Variants in SEPTIN9 observed in about 807,000 individuals in gnomAD.
SEPTIN9 encodes the protein septin-9.
In SEPTIN9, 13 loss-of-function variants were observed where a neutral mutation model predicts 56.6. The observed-to-expected ratio is 0.23, with a 90% confidence interval of 0.15 to 0.37. The LOEUF (loss-of-function observed/expected upper bound fraction) is 0.37, where lower values mean the gene tolerates loss of function less well. Ranked by LOEUF, SEPTIN9 falls within the 10% of genes least tolerant of loss-of-function variation. The pLI, the probability that SEPTIN9 is intolerant of heterozygous loss-of-function variation, is 1.00. For missense variants in SEPTIN9, 650 were observed against 823.1 expected (o/e 0.79, Z 2.57); for synonymous variants, 332 against 334.1 (o/e 0.99, Z 0.07).
chr17:77,311,395 G>C (rs892389606), intron 2 of SEPTIN9, among the ~76,000 whole-genome samples: 9 of 152,140 alleles, frequency 5.9e-5, no homozygotes, highest in African/African-American at 2.2e-4. Flanking sequence ...CCTGGCCGCT[G>C]TGGATGGACG....
chr17:77,368,224 G>A (rs1568017511), intron 2 of SEPTIN9, among the ~76,000 whole-genome samples: 1 of 152,220 alleles, frequency 6.6e-6, no homozygotes, highest in Non-Finnish European at 1.5e-5. Flanking sequence ...TTTCGGAGGT[G>A]GATGGTGTTG....
chr17:77,490,624 C>A, intron 7 of SEPTIN9, 118 bp from the exon 8 acceptor site: 1 of 785,834 alleles, frequency 1.3e-6, no homozygotes, highest in South Asian at 1.6e-5. Context: ...TCCTTGCCAG[C>A]AGGGACCCCC....
rs556835551 is a variant in SEPTIN9, at chr17:77,401,764, C to T, written c.77-295C>T. ...ATAAAAGTCTTCTCTGGAACTAGAA[C>T]GTTCCTATGTAGACGTAGCTGGAGG... On this transcript the variant is annotated intron_variant, in intron 2 of 11. Coordinates refer to ENST00000427177, the MANE Select transcript of SEPTIN9 (RefSeq NM_001113491.2). Among the ~76,000 whole-genome samples the T allele has an allele frequency of 1.6e-4, 24 of 152,108 alleles. No homozygotes were observed. In the South Asian group the frequency reaches 4.4e-3, roughly 28 times the overall value.
In SEPTIN9 at chr17:77,500,454, T is replaced by C. The variant is rs566313389; in HGVS notation, c.*1796T>C. ...ACTTTCCTTCTCTGTAACCAGACTTTGAAAAATTGTTCGTTTCATCAGGCT... is the reference window on the plus strand; with the variant it reads ...ACTTTCCTTCTCTGTAACCAGACTTCGAAAAATTGTTCGTTTCATCAGGCT... On this transcript the variant is annotated 3_prime_UTR_variant, in exon 12 of 12. Coordinates refer to ENST00000427177, the MANE Select transcript of SEPTIN9 (RefSeq NM_001113491.2). The C allele has an allele frequency of 4.9e-5, 11 of 223,918 alleles. No individual in the cohort carries two copies. Among genetic ancestry groups the C allele is most frequent in the Non-Finnish European group, 9.8e-5 (11 of 112,028 alleles). The allele number at this position is 223,918 out of a possible 1,614,324, so 13.9% of individuals were successfully genotyped here.
intron 3 of SEPTIN9, chr17:77,442,047 C>A (rs1414155972): frequency 3.3e-5 from 5 of 152,210 alleles, no homozygotes. Flanking sequence ...GATTTAATCA[C>A]ATACGTATGG....
rs1241092609 is a variant in SEPTIN9, at chr17:77,447,999, AT to A, written c.722-34144del. On this transcript the variant is annotated intron_variant, in intron 3 of 11. Coordinates refer to ENST00000427177, the MANE Select transcript of SEPTIN9 (RefSeq NM_001113491.2). ...CCAGGCGGGTGACACTGATGGTGGG[AT>A]CTGTGGCCTCACCAGTGTCTTATGA... 3.9e-3 allele frequency among the ~76,000 whole-genome samples: 594 copies of A among 152,294 alleles called. 3 individuals are homozygous for A. Among genetic ancestry groups the A allele is most frequent in the African/African-American group, 0.013 (535 of 41,550 alleles).
chr17:77,325,502 G>A (rs1383928986), intron 2 of SEPTIN9, among the ~76,000 whole-genome samples: 2 of 152,220 alleles, frequency 1.3e-5, no homozygotes, highest in East Asian at 3.9e-4. Flanking sequence ...GACCTGGCTG[G>A]ACGTGCTCCC....
At position 77,429,941 on chromosome 17, in the gene SEPTIN9, G is replaced by A. The variant is rs899801452; in HGVS notation, c.721+27238G>A. ...TTAGATGCTTCTGGGTTCCATGGGC[G>A]CCTTACACTGGCTTCCCTGTAGGAC... is the stretch of plus-strand genomic sequence containing the variant. On this transcript the variant is annotated intron_variant, in intron 3 of 11. Coordinates refer to ENST00000427177, the MANE Select transcript of SEPTIN9 (RefSeq NM_001113491.2). This position sits in a 1 kb window ranked among gnomAD's most constrained non-coding sequence, Gnocchi z 5.2. Among the ~76,000 whole-genome samples, 12 of 152,284 alleles carry A rather than the reference G, an allele frequency of 7.9e-5. No individual in the cohort carries two copies. In the South Asian group the frequency reaches 8.3e-4, roughly 11 times the overall value.
intron 2 of SEPTIN9, among the ~76,000 whole-genome samples, chr17:77,343,172 G>A (rs1304752562): frequency 6.6e-6 from 1 of 152,210 alleles, no homozygotes; most frequent in East Asian, 1.9e-4. Context: ...CTGGGGATAA[G>A]GGCTGGTTGC....
intron 2 of SEPTIN9, among the ~76,000 whole-genome samples, chr17:77,395,037 C>G (rs925131148): frequency 6.6e-6 from 1 of 151,712 alleles, no homozygotes; most frequent in Admixed American, 6.6e-5. Context: ...CCCACACCCT[C>G]CAGCTTGTTG....
At chr17:77,346,858 C>G (rs1439489883) in intron 2 of SEPTIN9, among the ~76,000 whole-genome samples, 1 of 152,058 alleles carries the variant, frequency 6.6e-6, no homozygotes, top group Non-Finnish European at 1.5e-5. Flanking sequence ...AGTATTGGCT[C>G]ATGAGGGCAG....
rs959235863 is a variant in SEPTIN9 at position 77,436,904 on chromosome 17, A to G, written c.721+34201A>G. ...GGCAGGAGGGTGCCGAAGCATTGGGAAGCTGGGATTTAGAAGCATTGTTTG... is the reference window on the plus strand; with the variant it reads ...GGCAGGAGGGTGCCGAAGCATTGGGGAGCTGGGATTTAGAAGCATTGTTTG... On this transcript the variant is annotated intron_variant, in intron 3 of 11. Coordinates refer to ENST00000427177, the MANE Select transcript of SEPTIN9 (RefSeq NM_001113491.2). This position sits in a 1 kb window ranked among gnomAD's most constrained non-coding sequence, Gnocchi z 4.4. Among the ~76,000 whole-genome samples, 2 of 152,214 alleles carry G rather than the reference A, an allele frequency of 1.3e-5. No homozygotes were observed. Among genetic ancestry groups the G allele is most frequent in the African/African-American group, 4.8e-5 (2 of 41,448 alleles).
At chr17:77,316,159 AC>A (rs964465247) in intron 2 of SEPTIN9, among the ~76,000 whole-genome samples, 14 of 152,126 alleles carry the variant, frequency 9.2e-5, no homozygotes, top group African/African-American at 3.4e-4. Flanking sequence ...GGAGGGAGGG[AC>A]CGCGGGGGAT....
Position 77,476,598 on chromosome 17 carries a change from T to G in SEPTIN9, c.722-5546T>G, listed in dbSNP as rs1419098241. ...GGGAGGAGGGAGCTGGTCCCCAGGA[T>G]GAGCAGATTTGGGGGCAGTCCCCAT... On this transcript the variant is annotated intron_variant, in intron 3 of 11. Transcript: ENST00000427177. This position sits in a 1 kb window ranked among gnomAD's most constrained non-coding sequence, Gnocchi z 6.0. Among the ~76,000 whole-genome samples the G allele has an allele frequency of 6.6e-6, 1 of 152,180 alleles. No homozygotes were observed. The highest frequency in any genetic ancestry group is 2.4e-5 in the African/African-American group (1 of 41,454).
intron 10 of SEPTIN9, chr17:77,497,113 A>G: frequency 1.6e-6 from 1 of 643,746 alleles, no homozygotes; most frequent in Non-Finnish European, 2.8e-6. Flanking sequence ...GGTGCTGGTC[A>G]CTCCAGTATC....
intron 2 of SEPTIN9, among the ~76,000 whole-genome samples, chr17:77,351,649 C>G (rs2034068943): frequency 6.6e-6 from 1 of 152,248 alleles, no homozygotes; most frequent in Admixed American, 6.5e-5. Context: ...GGGCCAAGGT[C>G]AGAGAGCCGA....
chr17:77,388,315 T>C (rs94056), intron 2 of SEPTIN9, among the ~76,000 whole-genome samples: 99,719 of 151,976 alleles, frequency 0.66, 32,881 homozygotes, highest in Non-Finnish European at 0.68. Context: ...TGCCTCTCTC[T>C]GGTTACCCCT....
chr17:77,404,620 A>T (rs1473216417), intron 3 of SEPTIN9, among the ~76,000 whole-genome samples: 1 of 151,766 alleles, frequency 6.6e-6, no homozygotes, highest in Non-Finnish European at 1.5e-5. Context: ...TGGGGCCTGG[A>T]GAGGGTGTGG....
At chr17:77,455,203 G>A (rs1304196489) in intron 3 of SEPTIN9, among the ~76,000 whole-genome samples, 1 of 152,140 alleles carries the variant, frequency 6.6e-6, no homozygotes, top group African/African-American at 2.4e-5. Flanking sequence ...GTGAGATCTT[G>A]GCTCCTGAGC....
Sources: gnomAD v4.1 joint callset for allele counts (sites outside exome capture counted in the v4.1 genomes callset) on GRCh38, gnomAD v4.1.1 for gene constraint, Gnocchi (gnomAD v3.1) non-coding constraint, MANE v1.5 for transcripts, NCBI Gene and HGNC (gene_info 2026-07-23, HGNC 2026-07-21) for gene names.